CDK14: variants seen among roughly 807,000 people sequenced by gnomAD.
The protein encoded by CDK14 is cyclin-dependent kinase 14.
CDK14 carries 34 observed loss-of-function variants against 60.7 expected under a neutral mutation model. The observed-to-expected ratio is 0.56, with a 90% confidence interval of 0.43 to 0.75. The LOEUF is 0.75. Among genes scored for constraint, CDK14 ranks in the 30% least tolerant of loss-of-function variants. CDK14 has a pLI of 0.00. For synonymous variants in CDK14, 197 were observed against 203.7 expected, an observed-to-expected ratio of 0.97 and a Z score of 0.28; for missense variants, 482 against 564.1, an observed-to-expected ratio of 0.85 and a Z score of 1.47.
chr7:91,097,566 AATC>A (rs1020684105), intron 12 of CDK14, among the ~76,000 whole-genome samples: 26 of 150,692 alleles, frequency 1.7e-4, no homozygotes, highest in African/African-American at 5.8e-4. Context: ...AGTGCTCTAG[AATC>A]ATCATGTCTT....
chr7:91,195,458 C>T (rs79168583), intron 14 of CDK14, among the ~76,000 whole-genome samples: 8,755 of 152,152 alleles, frequency 0.058, 385 homozygotes, highest in Admixed American at 0.14. Context: ...GTACCTAAGG[C>T]GGCATCTTTC....
At chr7:90,773,080 C>G (rs746985921) in intron 4 of CDK14, among the ~76,000 whole-genome samples, 3 of 152,050 alleles carry the variant, frequency 2.0e-5, no homozygotes, top group Non-Finnish European at 4.4e-5. Flanking sequence ...TTTATTTTGA[C>G]GTTTGTAAAG....
chr7:90,752,314 C>G lies in CDK14; in HGVS notation c.464+4539C>G, dbSNP rs114062611. Among the ~76,000 whole-genome samples, 1,410 of 152,032 alleles carry G rather than the reference C, an allele frequency of 9.3e-3. 23 individuals carry two copies. Among genetic ancestry groups the G allele is most frequent in the African/African-American group, 0.031 (1,284 of 41,464 alleles). On this transcript the variant is annotated intron_variant, in intron 4 of 14. Coordinates refer to ENST00000380050, the MANE Select transcript of CDK14 (RefSeq NM_001287135.2). ...AAAAAAAAAATCAAAGTCATACCAT[C>G]CATACTCTTAGACCACAGTGGAATA...
chr7:90,643,142 C>G (rs1022517813), intron 2 of CDK14, among the ~76,000 whole-genome samples: 1 of 152,176 alleles, frequency 6.6e-6, no homozygotes, highest in East Asian at 1.9e-4. Flanking sequence ...GATGAGCAGA[C>G]CTTTGCCTGG....
intron 11 of CDK14, among the ~76,000 whole-genome samples, chr7:91,061,876 A>C (rs1480194423): frequency 6.6e-6 from 1 of 152,216 alleles, no homozygotes; most frequent in Non-Finnish European, 1.5e-5. Context: ...CAGTCTGTCC[A>C]TTCTCAGATC....
intron 5 of CDK14, among the ~76,000 whole-genome samples, chr7:90,802,893 T>A (rs181561302): frequency 6.6e-6 from 1 of 152,282 alleles, no homozygotes; most frequent in Non-Finnish European, 1.5e-5. Flanking sequence ...ATAAATAATA[T>A]AGTTATTTGA....
chr7:91,065,305 AC>A (rs1180880668), intron 11 of CDK14, among the ~76,000 whole-genome samples: 1 of 152,114 alleles, frequency 6.6e-6, no homozygotes, highest in African/African-American at 2.4e-5. Context: ...AAAACCTCTC[AC>A]TGATAATGCT....
intron 4 of CDK14, among the ~76,000 whole-genome samples, chr7:90,750,881 GA>G (rs912624933): frequency 6.7e-6 from 1 of 148,796 alleles, no homozygotes; most frequent in Non-Finnish European, 1.5e-5. Flanking sequence ...CAAAAAAAAA[GA>G]AAAAAAAAGA....
At chr7:90,662,721 G>A (rs1193008813) in intron 2 of CDK14, among the ~76,000 whole-genome samples, 1 of 152,212 alleles carries the variant, frequency 6.6e-6, no homozygotes, top group Non-Finnish European at 1.5e-5. Context: ...ATTATGAGCT[G>A]GAAGTTGCCT....
intron 14 of CDK14, among the ~76,000 whole-genome samples, chr7:91,158,241 C>G (rs1801050895): frequency 6.6e-6 from 1 of 150,622 alleles, no homozygotes; most frequent in Admixed American, 6.6e-5. Context: ...TATATAAGCT[C>G]CCATTCTGCA....
chr7:91,091,472 T>C (rs1465637055), intron 12 of CDK14, among the ~76,000 whole-genome samples: 1 of 129,186 alleles, frequency 7.7e-6, no homozygotes, highest in Non-Finnish European at 1.6e-5. Flanking sequence ...ATAATATATA[T>C]ACATATATGT....
chr7:90,708,980 G>T (rs1278377802), intron 2 of CDK14, among the ~76,000 whole-genome samples: 1 of 152,078 alleles, frequency 6.6e-6, no homozygotes, highest in African/African-American at 2.4e-5. Flanking sequence ...TTCCTTTGCC[G>T]CCTAGCACCT....
At chr7:91,106,234 G>C (rs1799291559) in intron 12 of CDK14, among the ~76,000 whole-genome samples, 1 of 152,070 alleles carries the variant, frequency 6.6e-6, no homozygotes, top group African/African-American at 2.4e-5. Context: ...TGAAGAGGAA[G>C]AGAAGAGCAC....
At chr7:90,746,956 A>G (rs1803617333) in intron 3 of CDK14, among the ~76,000 whole-genome samples, 1 of 152,186 alleles carries the variant, frequency 6.6e-6, no homozygotes, top group Non-Finnish European at 1.5e-5. Context: ...ATATAACTGA[A>G]TATTATACCA....
rs1481863001 is a variant in CDK14, at chr7:90,596,639, C to T, written c.12C>T (p.Leu4=). The T allele has an allele frequency of 1.9e-6, 3 of 1,612,124 alleles. No homozygotes were observed. Among genetic ancestry groups the T allele is most frequent in the East Asian group, 2.2e-5 (1 of 44,834 alleles). The change falls in exon 1 of 15, where the codon CTC becomes CTT. Residue 4 remains leucine, a synonymous_variant. Transcript: ENST00000380050. ...TCCGCGTCGCCCAGATGTGTGACCT[C>T]ATTGAGCCGCAGCCGGCCGAGAAGA... MCD[L]IEPQPAEKIG...
chr7:90,698,067 C>CAAAAAAAAAAAAAAAA (rs71104484), intron 2 of CDK14, among the ~76,000 whole-genome samples: 15 of 75,724 alleles, frequency 2.0e-4, no homozygotes, highest in Admixed American at 3.8e-4. Flanking sequence ...GACTCTGTCT[C>CAAAAAAAAAAAAAAAA]AAAAAAAAAA....
At chr7:91,002,940 C>CG (rs1467985611) in intron 10 of CDK14, among the ~76,000 whole-genome samples, 1 of 151,910 alleles carries the variant, frequency 6.6e-6, no homozygotes, top group Non-Finnish European at 1.5e-5. Context: ...GGCATGGTGG[C>CG]GGGTGCCTGT....
At chr7:90,762,926 T>C (rs1325199019) in intron 4 of CDK14, among the ~76,000 whole-genome samples, 1 of 152,092 alleles carries the variant, frequency 6.6e-6, no homozygotes, top group African/African-American at 2.4e-5. Flanking sequence ...AGGCAGAGGT[T>C]GCAGTGAGTA....
intron 4 of CDK14, among the ~76,000 whole-genome samples, chr7:90,787,400 C>A (rs1438041302): frequency 6.6e-6 from 1 of 151,936 alleles, no homozygotes; most frequent in East Asian, 1.9e-4. Context: ...ATAAAGAGAC[C>A]ACACCTTTTA....
Sources: gnomAD v4.1 joint callset for allele counts (sites outside exome capture counted in the v4.1 genomes callset) on GRCh38, gnomAD v4.1.1 for gene constraint, MANE v1.5 for transcripts, NCBI Gene and HGNC (gene_info 2026-07-23, HGNC 2026-07-21) for gene names.